The following CFAP47 variants were observed in gnomAD, a reference collection of about 807,000 sequenced individuals.
CFAP47 encodes cilia and flagella associated protein 47.
Under a neutral mutation model 148.1 loss-of-function variants are expected in CFAP47, and 29 were observed. That is an observed-to-expected ratio of 0.20 (90% CI 0.15 to 0.27). The LOEUF is 0.27. Among genes scored for constraint, CFAP47 ranks in the 10% least tolerant of loss-of-function variants. The pLI is 1.00. For missense variants in CFAP47, 1,872 were observed against 1,697.5 expected, an observed-to-expected ratio of 1.10 and a Z score of -1.81; for synonymous variants, 664 against 577.3, an observed-to-expected ratio of 1.15 and a Z score of -2.15.
chrX:36,173,215 A>G (rs1353721889), intron 39 of CFAP47, among the ~76,000 whole-genome samples: 2 of 110,971 alleles, frequency 1.8e-5, no homozygotes, highest in Non-Finnish European at 3.8e-5. Flanking sequence ...TCTTGCTAGC[A>G]GTCTATCAAT....
chrX:35,923,687 G>A (rs1442565346), intron 1 of CFAP47, among the ~76,000 whole-genome samples: 1 of 109,289 alleles, frequency 9.2e-6, no homozygotes, highest in Non-Finnish European at 1.9e-5. Context: ...GGGCATGATG[G>A]TGCACACCTG....
At chrX:36,026,931 G>A (rs1937223714) in intron 22 of CFAP47, among the ~76,000 whole-genome samples, 1 of 108,424 alleles carries the variant, frequency 9.2e-6, no homozygotes, top group Non-Finnish European at 1.9e-5. Flanking sequence ...TATGGTTATT[G>A]TCTTCTATCT....
chrX:36,004,227 A>G (rs937948348), intron 21 of CFAP47, among the ~76,000 whole-genome samples: 2 of 110,076 alleles, frequency 1.8e-5, no homozygotes, highest in Admixed American at 9.8e-5. Flanking sequence ...TCTGCCCACC[A>G]TGGCGTCCCA....
intron 42 of CFAP47, among the ~76,000 whole-genome samples, chrX:36,195,630 T>C (rs1555987108): frequency 9.0e-6 from 1 of 111,290 alleles, no homozygotes; most frequent in East Asian, 2.8e-4. Flanking sequence ...ACTTTTGTAT[T>C]GTGTTACACT....
intron 11 of CFAP47, 83 bp from the exon 12 acceptor site, chrX:35,971,503 T>G: frequency 1.6e-6 from 1 of 620,950 alleles, no homozygotes; most frequent in Admixed American, 4.2e-5. Flanking sequence ...CAATATGCAC[T>G]ATGGGAAAGG....
chrX:36,091,290 T>C (rs1348343592), intron 30 of CFAP47, among the ~76,000 whole-genome samples: 1 of 111,693 alleles, frequency 9.0e-6, no homozygotes, highest in Non-Finnish European at 1.9e-5. Context: ...AATGGTTCCC[T>C]GATATTTTCC....
chrX:36,070,065 A>G (rs1471713682), intron 27 of CFAP47, among the ~76,000 whole-genome samples: 2 of 111,839 alleles, frequency 1.8e-5, no homozygotes, highest in African/African-American at 3.2e-5. Context: ...TATGAAGTCT[A>G]TAGTGGTGTA....
chrX:36,154,659 T>A (rs141610078), intron 37 of CFAP47, among the ~76,000 whole-genome samples: 1 of 112,083 alleles, frequency 8.9e-6, no homozygotes, highest in Non-Finnish European at 1.9e-5. Flanking sequence ...GTTCAAGCTT[T>A]CTCTACAGCT....
intron 33 of CFAP47, among the ~76,000 whole-genome samples, chrX:36,113,432 T>C (rs5973577): frequency 2.0e-3 from 229 of 111,990 alleles, no homozygotes; most frequent in Admixed American, 4.6e-3. Flanking sequence ...TTTTCTGGTT[T>C]GTGGGGTTTC....
At chrX:36,082,447 T>C (rs1938000618) in intron 29 of CFAP47, among the ~76,000 whole-genome samples, 1 of 111,932 alleles carries the variant, frequency 8.9e-6, no homozygotes, top group African/African-American at 3.2e-5. Context: ...GTAAATATTA[T>C]AGTCTATTCT....
In CFAP47 at chrX:36,030,952, C is replaced by G. The variant is rs188371884; in HGVS notation, c.3557-301C>G. ...AACTCTAGTGTGGAGATCATTTTAG[C>G]TCTGTTTACTTTTTTCTTAGCTCAA... is the stretch of plus-strand genomic sequence containing the variant. On this transcript the variant is annotated intron_variant, in intron 22 of 63. Transcript: ENST00000378653. Among the ~76,000 whole-genome samples the G allele has an allele frequency of 3.4e-4, 37 of 109,837 alleles. 1 individual carries two copies. Among genetic ancestry groups the G allele is most frequent in the African/African-American group, 1.1e-3 (33 of 30,441 alleles).
Position 35,971,899 on chromosome X carries a change from A to G in CFAP47, c.2188A>G (p.Thr730Ala), listed in dbSNP as rs769282898. Residue 730 changes from threonine to alanine, a missense_variant, in exon 13 of 64, where the codon ACT becomes GCT. By Grantham distance (58) the Thr-to-Ala change is moderately conservative. Transcript: ENST00000378653. Reference sequence around the variant, plus strand: ...CAAAGGACTTAAATCAGAACCATCCACTCCACAAGAAAAACATGATTGCAG... The same window carrying G: ...CAAAGGACTTAAATCAGAACCATCCGCTCCACAAGAAAAACATGATTGCAG... ...VLKGLKSEPSTPQEKHDCSLM... is the reference protein window; with the variant it reads ...VLKGLKSEPSAPQEKHDCSLM... 152 of 1,200,127 alleles carry G rather than the reference A, an allele frequency of 1.3e-4. No homozygotes were observed. Among genetic ancestry groups the G allele is most frequent in the Non-Finnish European group, 1.6e-4 (143 of 888,507 alleles).
intron 39 of CFAP47, among the ~76,000 whole-genome samples, chrX:36,173,009 C>G (rs1939607492): frequency 9.0e-6 from 1 of 110,966 alleles, no homozygotes; most frequent in African/African-American, 3.3e-5. Context: ...GATTCAACTT[C>G]TTCCTGGTTT....
At chrX:36,341,701 G>C (rs1427625044) in intron 57 of CFAP47, among the ~76,000 whole-genome samples, 3 of 110,489 alleles carry the variant, frequency 2.7e-5, no homozygotes, top group African/African-American at 9.8e-5. Context: ...AATGCTAATT[G>C]TAATTGGGCT....
At chrX:36,189,140 G>A in intron 41 of CFAP47, among the ~76,000 whole-genome samples, 1 of 111,275 alleles carries the variant, frequency 9.0e-6, no homozygotes, top group Non-Finnish European at 1.9e-5. Flanking sequence ...TGGTTATCTA[G>A]AGCTGTAGAA....
At chrX:36,356,542 A>G (rs1335523086) in intron 60 of CFAP47, among the ~76,000 whole-genome samples, 1 of 110,954 alleles carries the variant, frequency 9.0e-6, no homozygotes, top group East Asian at 2.8e-4. Context: ...TCTCTACAAA[A>G]TCTGTAATTC....
At chrX:36,204,744 T>A (rs1940021950) in intron 44 of CFAP47, among the ~76,000 whole-genome samples, 1 of 111,346 alleles carries the variant, frequency 9.0e-6, no homozygotes, top group African/African-American at 3.3e-5. Flanking sequence ...ACGGGGGACA[T>A]TGGTCATCTC....
intron 1 of CFAP47, among the ~76,000 whole-genome samples, chrX:35,920,470 A>G (rs1023881507): frequency 2.7e-5 from 3 of 111,987 alleles, no homozygotes; most frequent in Middle Eastern, 4.6e-3. Flanking sequence ...TCATTATTTC[A>G]TATTTTAACA....
chrX:36,246,728 A>G (rs1219922924), intron 48 of CFAP47, among the ~76,000 whole-genome samples: 1 of 111,482 alleles, frequency 9.0e-6, no homozygotes, highest in Non-Finnish European at 1.9e-5. Flanking sequence ...AAACCATATC[A>G]CCATCTCACA....
Sources: gnomAD v4.1 joint callset for allele counts (sites outside exome capture counted in the v4.1 genomes callset) on GRCh38, gnomAD v4.1.1 for gene constraint, MANE v1.5 for transcripts, NCBI Gene and HGNC (gene_info 2026-07-23, HGNC 2026-07-21) for gene names.